The following PDE4D variants were observed in gnomAD, a reference collection of about 807,000 sequenced individuals.
PDE4D encodes phosphodiesterase 4D.
A neutral mutation model predicts 87.4 loss-of-function variants in PDE4D; 24 were observed. The observed-to-expected ratio is 0.27, with a 90% CI of 0.20 to 0.39. The LOEUF is 0.39. PDE4D is among the 10% of genes least tolerant of loss of function. PDE4D has a pLI of 1.00. For synonymous variants in PDE4D, 384 were observed against 383.2 expected (o/e 1.00, Z -0.02); for missense variants, 714 against 1,041.0 (o/e 0.69, Z 4.32).
Position 58,988,474 on chromosome 5 carries a change from AAAAAT to A in PDE4D, c.1552+14_1552+18del. ...TGTACAAGGGAAAAATGTGTTCTGA[AAAAAT>A]AAAGTTTACTTACTTGTATTGATCA... On this transcript the variant is annotated intron_variant, in intron 11 of 14. Transcript: ENST00000340635. 1.8e-6 allele frequency: 2 copies of A among 1,128,224 alleles called. No homozygotes were observed. Among genetic ancestry groups the A allele is most frequent in the African/African-American group, 3.1e-5 (2 of 63,844 alleles). 69.9% of individuals were successfully genotyped at this position (1,128,224 alleles called of 1,614,324 possible).
chr5:60,440,038 T>C (rs364917), intron 1 of PDE4D, among the ~76,000 whole-genome samples: 54,265 of 151,802 alleles, frequency 0.36, 10,539 homozygotes, highest in East Asian at 0.58. Flanking sequence ...CCTCCTTCAC[T>C]TCACTACAGC....
intron 2 of PDE4D, among the ~76,000 whole-genome samples, chr5:60,040,590 T>G (rs569502426): frequency 4.3e-4 from 65 of 152,318 alleles, no homozygotes; most frequent in African/African-American, 1.5e-3. Context: ...ATTTCCATGT[T>G]CTTAACCATT....
At chr5:58,998,571 T>C (rs1161371112) in intron 6 of PDE4D, among the ~76,000 whole-genome samples, 1 of 152,166 alleles carries the variant, frequency 6.6e-6, no homozygotes, top group African/African-American at 2.4e-5. Flanking sequence ...CAACCAAGAC[T>C]GAAATAAGTT....
chr5:60,423,213 C>T (rs1488965722), intron 1 of PDE4D, among the ~76,000 whole-genome samples: 3 of 152,228 alleles, frequency 2.0e-5, no homozygotes, highest in African/African-American at 7.2e-5. Flanking sequence ...ATCTACAGAA[C>T]TCTCCACCCC....
At chr5:60,156,926 A>AT (rs1782029091) in intron 2 of PDE4D, among the ~76,000 whole-genome samples, 1 of 152,096 alleles carries the variant, frequency 6.6e-6, no homozygotes, top group Non-Finnish European at 1.5e-5. Context: ...GGAACTTAGA[A>AT]TTTTTTGAAC....
chr5:60,133,775 A>G (rs543655500), intron 2 of PDE4D, among the ~76,000 whole-genome samples: 2 of 152,340 alleles, frequency 1.3e-5, no homozygotes, highest in Admixed American at 1.3e-4. Context: ...CACATAATAC[A>G]TATACTTAAA....
chr5:59,944,497 G>A (rs893528754), intron 3 of PDE4D, among the ~76,000 whole-genome samples: 16 of 152,058 alleles, frequency 1.1e-4, no homozygotes, highest in African/African-American at 3.6e-4. Context: ...CTCACCTCCC[G>A]AGTAGCTGGG....
At chr5:59,263,320 T>G (rs2409640) in intron 1 of PDE4D, among the ~76,000 whole-genome samples, 4,262 of 151,516 alleles carry the variant, frequency 0.028, 217 homozygotes, top group African/African-American at 0.098. Flanking sequence ...ACAGGAGAGG[T>G]ACGTGAGACA....
chr5:59,010,827 T>G (rs975608486), intron 6 of PDE4D, among the ~76,000 whole-genome samples: 1 of 152,094 alleles, frequency 6.6e-6, no homozygotes, highest in Non-Finnish European at 1.5e-5. Flanking sequence ...GATCTGAGAA[T>G]GGACACACTG....
rs527882770 is a variant in PDE4D, at chr5:59,892,286, G to A, written c.455+882C>T. Among the ~76,000 whole-genome samples the A allele has an allele frequency of 1.4e-3, 209 of 152,256 alleles. 1 individual carries two copies. The highest frequency in any genetic ancestry group is 4.9e-3 in the African/African-American group (203 of 41,554). On this transcript the variant is annotated intron_variant, in intron 1 of 14. Transcript: ENST00000340635. ...GCGGTCAACTTCTACTAAAACTCCC[G>A]GTTGATAGGCGGCTTCCCTGCCCTG...
intron 1 of PDE4D, among the ~76,000 whole-genome samples, chr5:59,672,684 C>CAG (rs1471376832): frequency 7.2e-5 from 11 of 151,974 alleles, no homozygotes; most frequent in Non-Finnish European, 1.3e-4. Context: ...ACAAAAAGTC[C>CAG]AGAGTGTATC....
At chr5:60,176,712 C>T (rs1783929732) in intron 2 of PDE4D, among the ~76,000 whole-genome samples, 1 of 152,014 alleles carries the variant, frequency 6.6e-6, no homozygotes, top group Non-Finnish European at 1.5e-5. Flanking sequence ...GGTGTTATTC[C>T]AGCTTTGAGG....
chr5:59,617,997 C>A (rs747615047), intron 1 of PDE4D, among the ~76,000 whole-genome samples: 110 of 151,556 alleles, frequency 7.3e-4, no homozygotes, highest in Non-Finnish European at 1.5e-3. Flanking sequence ...CTCTCTTGAT[C>A]ATTATTTTCT....
intron 1 of PDE4D, among the ~76,000 whole-genome samples, chr5:59,224,426 C>T (rs999146790): frequency 1.3e-5 from 2 of 151,828 alleles, no homozygotes; most frequent in Admixed American, 6.6e-5. Flanking sequence ...AGTGACACTC[C>T]CAAGTAACAC....
At chr5:60,306,575 A>AG (rs1321113881) in intron 1 of PDE4D, among the ~76,000 whole-genome samples, 1 of 152,098 alleles carries the variant, frequency 6.6e-6, no homozygotes, top group Non-Finnish European at 1.5e-5. Flanking sequence ...AAATCAAAGC[A>AG]GAAAAACGGC....
intron 5 of PDE4D, among the ~76,000 whole-genome samples, chr5:59,043,790 G>A (rs1281339650): frequency 6.6e-6 from 1 of 151,538 alleles, no homozygotes; most frequent in Admixed American, 6.6e-5. Context: ...CCACCTATGA[G>A]TGAGAACATG....
chr5:60,318,578 C>A (rs948471110), intron 1 of PDE4D, among the ~76,000 whole-genome samples: 2 of 151,998 alleles, frequency 1.3e-5, no homozygotes, highest in African/African-American at 2.4e-5. Flanking sequence ...TCTTCCTAGC[C>A]TTGATGGTCT....
At chr5:58,991,293 C>CAAAACA (rs56087121) in intron 8 of PDE4D, among the ~76,000 whole-genome samples, 138 of 147,244 alleles carry the variant, frequency 9.4e-4, no homozygotes, top group Middle Eastern at 3.5e-3. Context: ...TGTCTCAAAA[C>CAAAACA]AAACAAAACA....
At chr5:59,722,890 G>A (rs371575642) in intron 1 of PDE4D, among the ~76,000 whole-genome samples, 5 of 152,084 alleles carry the variant, frequency 3.3e-5, no homozygotes, top group Non-Finnish European at 5.9e-5. Flanking sequence ...TGGAATAAAC[G>A]TGTTTGCCCT....
Sources: allele counts gnomAD v4.1 joint callset (sites outside exome capture counted in the v4.1 genomes callset), GRCh38; gene constraint gnomAD v4.1.1; transcripts MANE v1.5; gene names NCBI Gene and HGNC (gene_info 2026-07-23, HGNC 2026-07-21).